Variants in LRMDA observed in about 807,000 individuals in gnomAD.
LRMDA encodes the protein leucine-rich melanocyte differentiation-associated protein.
Under a neutral mutation model 29.8 loss-of-function variants are expected in LRMDA, and 18 were observed. That is an observed-to-expected ratio of 0.60 (90% CI 0.42 to 0.90). The LOEUF is 0.90. LRMDA is among the 40% of genes least tolerant of loss of function. The pLI, the probability that LRMDA is intolerant of heterozygous loss-of-function variation, is 0.00. For synonymous variants in LRMDA, 125 were observed against 109.4 expected, an observed-to-expected ratio of 1.14 and a Z score of -0.89; for missense variants, 273 against 273.9, an observed-to-expected ratio of 1.00 and a Z score of 0.02.
At chr10:76,263,682 G>A (rs1470863012) in intron 5 of LRMDA, among the ~76,000 whole-genome samples, 3 of 152,180 alleles carry the variant, frequency 2.0e-5, no homozygotes, top group Non-Finnish European at 4.4e-5. Context: ...ATAGGCTCAA[G>A]TGGAAGAATA....
chr10:75,838,181 G>C (rs1285015183), intron 2 of LRMDA, among the ~76,000 whole-genome samples: 2 of 152,108 alleles, frequency 1.3e-5, no homozygotes, highest in African/African-American at 4.8e-5. Flanking sequence ...ATTAAAACTG[G>C]TGATATATGA....
intron 6 of LRMDA, among the ~76,000 whole-genome samples, chr10:76,432,396 C>T (rs1021410550): frequency 6.6e-6 from 1 of 152,136 alleles, no homozygotes; most frequent in Non-Finnish European, 1.5e-5. Context: ...TTCTCTGTCT[C>T]CCATGCCTCA....
chr10:76,435,765 T>A (rs2132287020), intron 6 of LRMDA, among the ~76,000 whole-genome samples: 1 of 152,274 alleles, frequency 6.6e-6, no homozygotes, highest in South Asian at 2.1e-4. Flanking sequence ...GCCATAGCAG[T>A]TCTCAGAAGA....
chr10:76,144,168 G>T (rs975469676), intron 5 of LRMDA, among the ~76,000 whole-genome samples: 3 of 152,042 alleles, frequency 2.0e-5, no homozygotes, highest in African/African-American at 7.2e-5. Flanking sequence ...TTGACTTGGC[G>T]ATGCGGGCTC....
rs1413827691 is a variant in LRMDA at position 76,558,034 on chromosome 10, T to TCAA, written c.*748_*750dup. On this transcript the variant is annotated 3_prime_UTR_variant, in exon 7 of 7. Coordinates refer to ENST00000611255, the MANE Select transcript of LRMDA (RefSeq NM_001305581.2). ...AGCGTGGACTTTTATCTTGTTTCAT[T>TCAA]CAACTCTAAATCCACTTCTTGCCCT... 6.6e-6 allele frequency: 1 copy of TCAA among 152,226 alleles called. No individual in the cohort carries two copies. The highest frequency in any genetic ancestry group is 1.5e-5 in the Non-Finnish European group (1 of 68,068). The allele number at this position is 152,226 out of a possible 1,614,324, so 9.4% of individuals were successfully genotyped here.
intron 6 of LRMDA, among the ~76,000 whole-genome samples, chr10:76,472,289 T>G (rs1842625991): frequency 6.6e-6 from 1 of 151,712 alleles, no homozygotes; most frequent in Non-Finnish European, 1.5e-5. Flanking sequence ...ATGTAGAATA[T>G]AACACATTGC....
At chr10:75,565,190 C>A (rs1211651353) in intron 2 of LRMDA, among the ~76,000 whole-genome samples, 1 of 152,158 alleles carries the variant, frequency 6.6e-6, no homozygotes, top group Admixed American at 6.5e-5. Flanking sequence ...TGTCACATGA[C>A]CTTGGCAGGT....
intron 2 of LRMDA, among the ~76,000 whole-genome samples, chr10:75,810,507 A>G (rs1283608050): frequency 1.3e-5 from 2 of 152,242 alleles, no homozygotes. Flanking sequence ...GATGACATCT[A>G]GATTCTGGCT....
chr10:76,103,873 AC>A (rs1394421759), intron 5 of LRMDA, among the ~76,000 whole-genome samples: 2 of 151,618 alleles, frequency 1.3e-5, no homozygotes, highest in Non-Finnish European at 2.9e-5. Context: ...AGATGATGAA[AC>A]CCTGCCTCTA....
chr10:76,395,445 G>C (rs1225836464), intron 6 of LRMDA, among the ~76,000 whole-genome samples: 5 of 152,190 alleles, frequency 3.3e-5, no homozygotes, highest in Non-Finnish European at 1.5e-5. Context: ...GGATGGAAAT[G>C]AAACGCAGAC....
intron 5 of LRMDA, among the ~76,000 whole-genome samples, chr10:76,230,000 G>C (rs377459733): frequency 1.6e-4 from 25 of 152,028 alleles, no homozygotes; most frequent in African/African-American, 6.0e-4. Flanking sequence ...GAGCCCCCTG[G>C]GACCAATTAT....
At chr10:75,824,005 G>A (rs1438508906) in intron 2 of LRMDA, among the ~76,000 whole-genome samples, 8 of 152,128 alleles carry the variant, frequency 5.3e-5, no homozygotes, top group African/African-American at 1.4e-4. Context: ...GGAGGATTTC[G>A]GGAGAAGGAT....
chr10:75,959,303 C>T (rs141931344), intron 2 of LRMDA, among the ~76,000 whole-genome samples: 76 of 152,174 alleles, frequency 5.0e-4, no homozygotes, highest in African/African-American at 1.7e-3. Context: ...GGAGAGGGAC[C>T]GGGTTTTGGG....
chr10:76,363,698 T>G (rs1841357226), intron 6 of LRMDA, among the ~76,000 whole-genome samples: 1 of 152,154 alleles, frequency 6.6e-6, no homozygotes, highest in Non-Finnish European at 1.5e-5. Context: ...CTTTCTAGTT[T>G]CTTGGTATAA....
At chr10:76,362,957 A>G (rs183070029) in intron 6 of LRMDA, among the ~76,000 whole-genome samples, 29 of 151,398 alleles carry the variant, frequency 1.9e-4, no homozygotes, top group Admixed American at 1.8e-3. Context: ...CCACAAAGTC[A>G]TGATATCATT....
At chr10:75,725,376 C>T (rs541951617) in intron 2 of LRMDA, among the ~76,000 whole-genome samples, 32 of 152,338 alleles carry the variant, frequency 2.1e-4, no homozygotes, top group Admixed American at 5.2e-4. Context: ...GGCCGAGCCC[C>T]GCTCTTCTTT....
At chr10:75,526,851 C>T (rs1238524767) in intron 2 of LRMDA, among the ~76,000 whole-genome samples, 4 of 127,530 alleles carry the variant, frequency 3.1e-5, no homozygotes, top group African/African-American at 1.4e-4. Context: ...AGAGCAAGGC[C>T]CTATCTCAAA....
At chr10:76,018,599 C>T (rs1230605286) in intron 2 of LRMDA, among the ~76,000 whole-genome samples, 26 of 142,332 alleles carry the variant, frequency 1.8e-4, no homozygotes, top group Non-Finnish European at 3.5e-4. Context: ...GATGGAGTCT[C>T]ACTCTGTCAC....
At chr10:76,256,947 G>A (rs1385329382) in intron 5 of LRMDA, among the ~76,000 whole-genome samples, 2 of 152,142 alleles carry the variant, frequency 1.3e-5, no homozygotes, top group Admixed American at 1.3e-4. Context: ...GAACTAGGCA[G>A]TCGTAGAAAA....
Sources: allele counts gnomAD v4.1 joint callset (sites outside exome capture counted in the v4.1 genomes callset), GRCh38; gene constraint gnomAD v4.1.1; transcripts MANE v1.5; gene names NCBI Gene and HGNC (gene_info 2026-07-23, HGNC 2026-07-21).